Variants in TOGARAM1 observed in about 807,000 individuals in gnomAD.
TOGARAM1 encodes TOG array regulator of axonemal microtubules 1.
TOGARAM1 carries 100 observed loss-of-function variants against 166.6 expected under a neutral mutation model. The ratio of observed to expected loss-of-function variants is 0.60; its 90% confidence interval spans 0.51 to 0.71. The LOEUF (loss-of-function observed/expected upper bound fraction) is 0.71. Among genes scored for constraint, TOGARAM1 ranks in the 30% least tolerant of loss-of-function variants. TOGARAM1 has a pLI of 0.00. For missense variants in TOGARAM1, 2,029 were observed against 2,102.7 expected (o/e 0.96, Z 0.69); for synonymous variants, 758 against 763.8 (o/e 0.99, Z 0.13).
Position 45,043,769 on chromosome 14 carries a change from C to T in TOGARAM1, c.3896C>T (p.Thr1299Ile), listed in dbSNP as rs761663351. 3.1e-6 allele frequency: 5 copies of T among 1,610,348 alleles called. No individual in the cohort carries two copies. Among genetic ancestry groups the T allele is most frequent in the Non-Finnish European group, 3.4e-6 (4 of 1,176,786 alleles). ...ATACTGAACACAAAGTTGCATGAAACAAATTTTGCAGTTGTTCAAGAGGTA... is the reference window on the plus strand; with the variant it reads ...ATACTGAACACAAAGTTGCATGAAATAAATTTTGCAGTTGTTCAAGAGGTA... ...SEILNTKLHE[T>I]NFAVVQEVKN... The change falls in exon 12 of 20, where the codon ACA (threonine) becomes ATA (isoleucine). Residue 1299 changes from threonine (T) to isoleucine (I), a missense_variant. Around this residue, in one of 2 missense-constraint regions of TOGARAM1, gnomAD observed 576 missense variants for 670.5 expected, o/e 0.86. Coordinates refer to ENST00000361462, the MANE Select transcript of TOGARAM1 (RefSeq NM_001308120.2).
At chr14:44,999,616 G>C in intron 3 of TOGARAM1, 119 bp downstream of exon 3, 1 of 837,978 alleles carries the variant, frequency 1.2e-6, no homozygotes, top group Middle Eastern at 3.7e-4. Flanking sequence ...AAAGGATTTT[G>C]TTATATTTTT....
Position 44,963,844 on chromosome 14 carries a change from C to T in TOGARAM1, c.1423C>T (p.Leu475Phe). ...AGGACCTCAGCAGGTGCTTTGTTTA[C>T]TCCTGGAACATCTCAAACATAAGCA... ...EVGPQQVLCL[L>F]LEHLKHKHSR... Residue 475 changes from leucine (L) to phenylalanine (F), a missense_variant, in exon 1 of 20, where the codon CTC becomes TTC. Physicochemically the swap from Leu to Phe is conservative, Grantham distance 22. Transcript: ENST00000361462. 3.1e-6 allele frequency: 5 copies of T among 1,614,172 alleles called. No individual in the cohort carries two copies. The South Asian group carries it at 4.4e-5, about 14-fold the overall frequency.
At chr14:45,070,136 C>T (rs1883314882) in intron 18 of TOGARAM1, among the ~76,000 whole-genome samples, 3 of 151,966 alleles carry the variant, frequency 2.0e-5, no homozygotes, top group African/African-American at 7.3e-5. Context: ...GAACCAAGAT[C>T]ACGCCACTGC....
At chr14:44,989,954 T>G (rs984749064) in intron 1 of TOGARAM1, among the ~76,000 whole-genome samples, 5 of 152,002 alleles carry the variant, frequency 3.3e-5, no homozygotes, top group Non-Finnish European at 5.9e-5. Context: ...AGCGAATATG[T>G]GAAAGAGGAA....
At chr14:45,063,107 G>T (rs1466851735) in intron 16 of TOGARAM1, among the ~76,000 whole-genome samples, 1 of 151,922 alleles carries the variant, frequency 6.6e-6, no homozygotes, top group Admixed American at 6.6e-5. Flanking sequence ...TTTATATTAA[G>T]GCTTATCCAT....
chr14:45,068,726 C>A, intron 18 of TOGARAM1, 83 bp downstream of exon 18: 1 of 992,380 alleles, frequency 1.0e-6, no homozygotes, highest in Non-Finnish European at 1.4e-6. Context: ...TTTTGTAATG[C>A]TGAAATCCTA....
At chr14:45,004,654 T>C (rs1344892556) in intron 4 of TOGARAM1, among the ~76,000 whole-genome samples, 1 of 152,224 alleles carries the variant, frequency 6.6e-6, no homozygotes, top group African/African-American at 2.4e-5. Flanking sequence ...TCCTACTATG[T>C]TGACCAGGCT....
Position 45,025,763 on chromosome 14 carries a change from GT to G in TOGARAM1, c.3239-14del. On this transcript the variant is annotated intron_variant, in intron 7 of 19. Transcript: ENST00000361462. Reference sequence around the variant, plus strand: ...GCAAATATGTTTAAGTATTTGTTTTGTTTTTTGGGGGATTTACAGGGTCATC... The same window carrying G: ...GCAAATATGTTTAAGTATTTGTTTTGTTTTTGGGGGATTTACAGGGTCATC... 1 of 1,470,064 alleles carries G rather than the reference GT, an allele frequency of 6.8e-7. No homozygotes were observed. The highest frequency in any genetic ancestry group is 9.5e-7 in the Non-Finnish European group (1 of 1,053,958). The allele number at this position is 1,470,064 out of a possible 1,614,324, so 91.1% of individuals were successfully genotyped here. A position where few individuals can be genotyped will look rare whatever the true frequency, so the allele number is the denominator to read the frequency against.
intron 18 of TOGARAM1, among the ~76,000 whole-genome samples, chr14:45,071,078 C>T (rs137983859): frequency 0.015 from 2,315 of 151,446 alleles, 67 homozygotes; most frequent in African/African-American, 0.053. Context: ...CGCACCACCA[C>T]GCCCAGCTAA....
chr14:45,071,278 T>G (rs943006296), intron 18 of TOGARAM1, among the ~76,000 whole-genome samples: 1 of 112,774 alleles, frequency 8.9e-6, no homozygotes, highest in Non-Finnish European at 1.7e-5. Flanking sequence ...CCTAGGAGAT[T>G]CAGGCAGTTT....
At chr14:45,033,391 T>G (rs1881271445) in intron 11 of TOGARAM1, among the ~76,000 whole-genome samples, 1 of 152,250 alleles carries the variant, frequency 6.6e-6, no homozygotes, top group Non-Finnish European at 1.5e-5. Flanking sequence ...TTTTAGACTT[T>G]GCAGGGCAGA....
Position 45,004,222 on chromosome 14 carries a change from ATTAT to A in TOGARAM1, c.2501_2504del (p.Ile834AsnfsTer64), listed in dbSNP as rs1887836642. 1 of 1,613,876 alleles carries A rather than the reference ATTAT, an allele frequency of 6.2e-7. No homozygotes were observed. Among genetic ancestry groups the A allele is most frequent in the Non-Finnish European group, 8.5e-7 (1 of 1,179,964 alleles). On this transcript the variant is annotated frameshift_variant, in exon 4 of 20. Transcript: ENST00000361462. LOFTEE classifies it high-confidence loss of function. Reference sequence around the variant, plus strand: ...TAGTCCAAAGCATACATCTCCTCTTATTATATCTCCAAAGAAGTCTCAAGATAAT... The same window carrying A: ...TAGTCCAAAGCATACATCTCCTCTTAATCTCCAAAGAAGTCTCAAGATAAT...
At chr14:45,000,606 A>G (rs56706956) in intron 3 of TOGARAM1, among the ~76,000 whole-genome samples, 17,004 of 152,118 alleles carry the variant, frequency 0.11, 1,376 homozygotes, top group African/African-American at 0.23. Context: ...TCTTCTGCCG[A>G]TGGACACTTA....
At chr14:45,034,035 T>A (rs1881303554) in intron 11 of TOGARAM1, among the ~76,000 whole-genome samples, 1 of 151,960 alleles carries the variant, frequency 6.6e-6, no homozygotes, top group Admixed American at 6.6e-5. Flanking sequence ...CACACGTCTG[T>A]AGTACCAGCC....
intron 4 of TOGARAM1, 77 bp downstream of exon 4, chr14:45,004,443 C>A: frequency 3.5e-6 from 4 of 1,143,186 alleles, no homozygotes; most frequent in Non-Finnish European, 5.0e-6. Flanking sequence ...GCTGTTAGAT[C>A]TTTAAAAGCT....
chr14:45,003,791 A>G (rs1253659316), intron 3 of TOGARAM1, among the ~76,000 whole-genome samples: 1 of 152,206 alleles, frequency 6.6e-6, no homozygotes, highest in Non-Finnish European at 1.5e-5. Flanking sequence ...ATACATATAC[A>G]TGCATGTATG....
At chr14:44,992,068 C>A (rs560713681) in intron 1 of TOGARAM1, among the ~76,000 whole-genome samples, 4 of 61,802 alleles carry the variant, frequency 6.5e-5, no homozygotes, top group African/African-American at 2.9e-4. Flanking sequence ...GAGACCCTGT[C>A]TGTTAAAAAA....
chr14:44,984,121 A>AACAT (rs1886668322), intron 1 of TOGARAM1, among the ~76,000 whole-genome samples: 1 of 152,186 alleles, frequency 6.6e-6, no homozygotes, highest in South Asian at 2.1e-4. Context: ...TTATTACCTT[A>AACAT]ACATATGATT....
intron 11 of TOGARAM1, among the ~76,000 whole-genome samples, chr14:45,038,418 G>T (rs1301719643): frequency 6.6e-6 from 1 of 152,224 alleles, no homozygotes; most frequent in Non-Finnish European, 1.5e-5. Flanking sequence ...GAGCGGCGAG[G>T]GGTGCATGAG....
Sources: gnomAD v4.1 joint callset for allele counts (sites outside exome capture counted in the v4.1 genomes callset) on GRCh38, gnomAD v4.1.1 for gene constraint, gnomAD v4.1.1 regional missense constraint, MANE v1.5 for transcripts, NCBI Gene and HGNC (gene_info 2026-07-23, HGNC 2026-07-21) for gene names.